FLII: variants seen among roughly 807,000 people sequenced by gnomAD.
FLII encodes the protein FLII actin remodeling protein, also known as protein flightless-1 homolog.
FLII carries 101 observed loss-of-function variants against 156.2 expected under a neutral mutation model. That is an observed-to-expected ratio of 0.65 (90% CI 0.55 to 0.76). The LOEUF (loss-of-function observed/expected upper bound fraction) is 0.76, where lower values mean the gene tolerates loss of function less well. Ranked by LOEUF, FLII falls within the 30% of genes least tolerant of loss-of-function variation. The pLI, the probability that FLII is intolerant of heterozygous loss-of-function variation, is 0.00. For missense variants in FLII, 1,675 were observed against 1,682.8 expected (o/e 1.00, Z 0.08); for synonymous variants, 767 against 685.8 (o/e 1.12, Z -1.85).
chr17:18,254,041 G>C, intron 7 of FLII, 38 bp downstream of exon 7: 2 of 1,504,508 alleles, frequency 1.3e-6, no homozygotes, highest in South Asian at 1.2e-5. Flanking sequence ...GGGCCCAGAG[G>C]GGGCCCGAGC....
At position 18,247,026 on chromosome 17, in the gene FLII, G is replaced by T; in HGVS notation, c.2703C>A (p.Asn901Lys). Reference protein sequence around the residue: ...AEAEQLMEEWNEDLDGMEGFV... With the variant: ...AEAEQLMEEWKEDLDGMEGFV... ...AACCCTCCATGCCGTCTAGGTCTTC[G>T]TTCCACTCCTCCATCAGCTGCTCCG... Residue 901 changes from asparagine (N) to lysine (K), a missense_variant, in exon 22 of 30, where the codon AAC (asparagine) becomes AAA (lysine). By Grantham distance (94) the Asn-to-Lys change is moderately conservative. Coordinates refer to ENST00000327031, the MANE Select transcript of FLII (RefSeq NM_002018.4). The T allele has an allele frequency of 1.9e-6, 3 of 1,613,580 alleles. No individual in the cohort carries two copies. Among genetic ancestry groups the T allele is most frequent in the South Asian group, 1.1e-5 (1 of 91,080 alleles).
rs368465009 is a variant in FLII, at chr17:18,250,885, G to A, written c.1729C>T (p.Arg577Cys). Residue 577 changes from arginine (R) to cysteine (C), a missense_variant, in exon 14 of 30, where the codon CGC (arginine) becomes TGC (cysteine). Physicochemically the swap from Arg to Cys is radical, Grantham distance 180. Transcript: ENST00000327031. The stretch of plus-strand genomic sequence containing the variant: ...TCGCCCATCTCCTCCCGGACAGTGC[G>A]GCACTCAGCACCCAGGTAGTTGCGC... ...NLRNYLGAEC[R>C]TVREEMGDES... is the part of the protein sequence containing the mutation. 114 of 1,613,906 alleles carry A rather than the reference G, an allele frequency of 7.1e-5. No individual in the cohort carries two copies. The highest frequency in any genetic ancestry group is 1.6e-4 in the Middle Eastern group (1 of 6,084).
intron 2 of FLII, 133 bp downstream of exon 2, chr17:18,256,776 C>T: frequency 9.0e-6 from 7 of 776,068 alleles, no homozygotes; most frequent in Non-Finnish European, 1.3e-5. Context: ...ACAGGGTGCC[C>T]ACTCCCTTTC....
In FLII at chr17:18,245,542, G is replaced by A. The variant is rs1384535773; in HGVS notation, c.3609+13C>T. Reference sequence around the variant, plus strand: ...GCCTCCTTGGATGGGCAGGGCTAGTGGCAACATCACACCTCTTGGCCATTG... The same window carrying A: ...GCCTCCTTGGATGGGCAGGGCTAGTAGCAACATCACACCTCTTGGCCATTG... On this transcript the variant is annotated intron_variant, in intron 28 of 29. Transcript: ENST00000327031. 1.9e-6 allele frequency: 3 copies of A among 1,612,736 alleles called. No individual in the cohort carries two copies. The highest frequency in any genetic ancestry group is 2.7e-5 in the African/African-American group (2 of 74,908).
chr17:18,250,831 C>G lies in FLII; in HGVS notation c.1776+7G>C, dbSNP rs750670267. Reference sequence around the variant, plus strand: ...TCTGCCCACCCCCAATTTTAACGGGCTGGCACCTGCAGGAACTCCTCGCTC... The same window carrying G: ...TCTGCCCACCCCCAATTTTAACGGGGTGGCACCTGCAGGAACTCCTCGCTC... On this transcript the variant is annotated splice_region_variant and intron_variant, in intron 14 of 29. Coordinates refer to ENST00000327031, the MANE Select transcript of FLII (RefSeq NM_002018.4). 1.2e-6 allele frequency: 2 copies of G among 1,606,052 alleles called. No individual in the cohort carries two copies. Among genetic ancestry groups the G allele is most frequent in the Non-Finnish European group, 1.7e-6 (2 of 1,174,100 alleles).
chr17:18,248,866 T>A lies in FLII; in HGVS notation c.1952A>T (p.Asp651Val), dbSNP rs140450622. The change falls in exon 17 of 30, where the codon GAC becomes GTC. Residue 651 changes from aspartate to valine, a missense_variant. This residue lies in a region of FLII where 1,332 missense variants were observed against 1,269.3 expected (regional missense o/e 1.05). Transcript: ENST00000327031. ...SLDPRFVFLL[D>V]RGLDIYVWRG... is the part of the protein sequence containing the mutation. ...CCATACGTAGATGTCTAGCCCTCGGTCCAGCAGGAAAACAAACCTGGACAA... is the reference window on the plus strand; with the variant it reads ...CCATACGTAGATGTCTAGCCCTCGGACCAGCAGGAAAACAAACCTGGACAA... 6.2e-7 allele frequency: 1 copy of A among 1,613,678 alleles called. No homozygotes were observed. Among genetic ancestry groups the A allele is most frequent in the Admixed American group, 1.7e-5 (1 of 59,994 alleles).
At position 18,247,931 on chromosome 17, in the gene FLII, G is replaced by A. The variant is rs769713046; in HGVS notation, c.2293C>T (p.Leu765=). The change falls in exon 19 of 30, where the codon CTG becomes TTG. Residue 765 remains leucine, a splice_region_variant and synonymous_variant. Transcript: ENST00000327031. ...CGCCCTCCTCCTGCATCTCTTACCA[G>A]CCGCATTCTTGGCATCAGCTCCACC... ...PKVELMPRMR[L]LQSLLDTRCV... 1 of 1,613,870 alleles carries A rather than the reference G, an allele frequency of 6.2e-7. No homozygotes were observed. The highest frequency in any genetic ancestry group is 8.5e-7 in the Non-Finnish European group (1 of 1,179,744).
At chr17:18,252,635 G>A in intron 9 of FLII, 79 bp from the exon 10 acceptor site, 1 of 1,162,040 alleles carries the variant, frequency 8.6e-7, no homozygotes, top group South Asian at 1.2e-5. Flanking sequence ...TAGTCCTGGG[G>A]AGGGGAGGCA....
Position 18,253,405 on chromosome 17 carries a change from C to T in FLII, c.909G>A (p.Lys303=), listed in dbSNP as rs1404874445. The change falls in exon 9 of 30, where the codon AAG becomes AAA. Residue 303 remains lysine, a synonymous_variant. Transcript: ENST00000327031. ...CTGAGGGCAGCCCGTCAAAGTCCAG[C>T]TTGTTGGAATTCAGGTACAGCTTCT... ...KLKKLYLNSN[K]LDFDGLPSGI... is the part of the protein sequence containing the mutation. The T allele has an allele frequency of 1.9e-6, 3 of 1,613,912 alleles. No individual in the cohort carries two copies. Among genetic ancestry groups the T allele is most frequent in the Admixed American group, 3.3e-5 (2 of 60,014 alleles).
At chr17:18,247,469 G>T in intron 20 of FLII, 112 bp from the exon 21 acceptor site, 1 of 1,186,482 alleles carries the variant, frequency 8.4e-7, no homozygotes, top group East Asian at 2.4e-5. Context: ...GGGCTTGGGA[G>T]GCGGGGCCTC....
In FLII at chr17:18,248,591, C is replaced by T. The variant is rs61747392; in HGVS notation, c.2149G>A (p.Val717Met). The T allele has an allele frequency of 1.5e-5, 24 of 1,613,362 alleles. No homozygotes were observed. The Middle Eastern group carries it at 4.9e-4, about 33-fold the overall frequency. ...GGEPSEIKKH[V>M]PEDFWPPQPK... The stretch of plus-strand genomic sequence containing the variant: ...TGCGGCGGCCAGAAGTCTTCAGGCA[C>T]GTGCTTCTTGATCTCAGAGGGCTCC... The change falls in exon 18 of 30, where the codon GTG becomes ATG. Residue 717 changes from valine (V) to methionine (M), a missense_variant. Val to Met is a conservative substitution (Grantham distance 21). Transcript: ENST00000327031.
intron 16 of FLII, 118 bp from the exon 17 acceptor site, chr17:18,249,001 C>T (rs1159971585): frequency 1.1e-5 from 15 of 1,369,120 alleles, no homozygotes; most frequent in Non-Finnish European, 1.6e-5. Context: ...GCCCCAGGGA[C>T]CCCCCGCCAA....
At chr17:18,245,703 C>T (rs2048017059) in intron 27 of FLII, 41 bp downstream of exon 27, 7 of 1,611,348 alleles carry the variant, frequency 4.3e-6, no homozygotes, top group Non-Finnish European at 5.9e-6. Context: ...TCATAAGCAG[C>T]AGTGCCAGGA....
In FLII at chr17:18,250,929, G is replaced by A; in HGVS notation, c.1685C>T (p.Ala562Val). The A allele has an allele frequency of 1.2e-6, 2 of 1,614,042 alleles. No individual in the cohort carries two copies. Among genetic ancestry groups the A allele is most frequent in the Admixed American group, 1.7e-5 (1 of 60,028 alleles). Residue 562 changes from alanine to valine, a missense_variant, in exon 14 of 30, where the codon GCC becomes GTC. Physicochemically the swap from Ala to Val is moderately conservative, Grantham distance 64. This residue lies in a region of FLII where 1,332 missense variants were observed against 1,269.3 expected (regional missense o/e 1.05). Coordinates refer to ENST00000327031, the MANE Select transcript of FLII (RefSeq NM_002018.4). ...EATLDKKACS[A>V]IHAVNLRNYL... ...GTTGCGCAAGTTGACAGCGTGGATG[G>A]CAGAGCAAGCTTTCTTGTCGAGTGT... is the stretch of plus-strand genomic sequence containing the variant.
At position 18,246,812 on chromosome 17, in the gene FLII, C is replaced by G; in HGVS notation, c.2833G>C (p.Glu945Gln). 1 of 1,614,128 alleles carries G rather than the reference C, an allele frequency of 6.2e-7. No homozygotes were observed. The highest frequency in any genetic ancestry group is 8.5e-7 in the Non-Finnish European group (1 of 1,179,990). The change falls in exon 23 of 30, where the codon GAG becomes CAG. Residue 945 changes from glutamate to glutamine, a missense_variant. Glu to Gln is a conservative substitution (Grantham distance 29). This residue lies in a region of FLII where 1,332 missense variants were observed against 1,269.3 expected (regional missense o/e 1.05). Coordinates refer to ENST00000327031, the MANE Select transcript of FLII (RefSeq NM_002018.4). ...VFLCRYWVPV[E>Q]YEEEEKKEDK... Reference sequence around the variant, plus strand: ...TCCTTCTTTTCCTCCTCCTCGTACTCCACAGGCACCCAGTACCTGCCGGGT... The same window carrying G: ...TCCTTCTTTTCCTCCTCCTCGTACTGCACAGGCACCCAGTACCTGCCGGGT...
At chr17:18,251,178 C>T (rs1360068185) in intron 13 of FLII, 87 bp downstream of exon 13, 12 of 1,499,952 alleles carry the variant, frequency 8.0e-6, no homozygotes, top group Non-Finnish European at 1.1e-5. Flanking sequence ...CCTGGCCTCC[C>T]TGAACAAAAC....
Position 18,246,847 on chromosome 17 carries a change from G to A in FLII, c.2817-19C>T. ...CCAGTACCTGCCGGGTTGGAAGGTTGTGAGCAGGGGCTCGAGCCCCCAGCA... is the reference window on the plus strand; with the variant it reads ...CCAGTACCTGCCGGGTTGGAAGGTTATGAGCAGGGGCTCGAGCCCCCAGCA... On this transcript the variant is annotated intron_variant, in intron 22 of 29. Transcript: ENST00000327031. 1 of 1,613,954 alleles carries A rather than the reference G, an allele frequency of 6.2e-7. No homozygotes were observed. The highest frequency in any genetic ancestry group is 8.5e-7 in the Non-Finnish European group (1 of 1,179,878).
At position 18,248,153 on chromosome 17, in the gene FLII, C is replaced by CCCCT. The variant is rs1378682113; in HGVS notation, c.2191-124_2191-121dup. On this transcript the variant is annotated intron_variant, in intron 18 of 29. Coordinates refer to ENST00000327031, the MANE Select transcript of FLII (RefSeq NM_002018.4). The stretch of plus-strand genomic sequence containing the variant: ...GTGGCTCACTGACTGCTTCTGTTTC[C>CCCCT]CCCTCCCCTTCAAGGTCTTTTTAGG... 3.2e-5 allele frequency: 21 copies of CCCCT among 661,668 alleles called. No homozygotes were observed. The Admixed American group carries it at 4.5e-4, about 14-fold the overall frequency. 41.0% of individuals were successfully genotyped at this position (661,668 alleles called of 1,614,324 possible).
chr17:18,257,068 T>C, intron 1 of FLII, 49 bp from the exon 2 acceptor site: 3 of 1,276,506 alleles, frequency 2.4e-6, no homozygotes, highest in Non-Finnish European at 1.1e-6. Flanking sequence ...CTCACCACCT[T>C]CTATGGCTCC....
Sources: gnomAD v4.1 joint callset for allele counts on GRCh38, gnomAD v4.1.1 for gene constraint, gnomAD v4.1.1 regional missense constraint, MANE v1.5 for transcripts, NCBI Gene and HGNC (gene_info 2026-07-23, HGNC 2026-07-21) for gene names.